SLC5A10: variants seen among roughly 807,000 people sequenced by gnomAD.
The protein encoded by SLC5A10 is sodium/mannose cotransporter SLC5A10.
SLC5A10 carries 55 observed loss-of-function variants against 68.9 expected under a neutral mutation model. That is an observed-to-expected ratio of 0.80 (90% CI 0.64 to 1.00). SLC5A10 has a LOEUF of 1.00. Among genes scored for constraint, SLC5A10 ranks in the 50% least tolerant of loss-of-function variants. The pLI is 0.00. For synonymous variants in SLC5A10, 344 were observed against 344.8 expected (o/e 1.00, Z 0.02); for missense variants, 732 against 819.3 (o/e 0.89, Z 1.30).
At chr17:18,977,665 TG>T in intron 9 of SLC5A10, 1 of 1,610,264 alleles carries the variant, frequency 6.2e-7, no homozygotes. Context: ...TCTGGGCCCA[TG>T]GGGAGCCACC....
At position 19,019,579 on chromosome 17, in the gene SLC5A10, T is replaced by A; in HGVS notation, c.1398T>A (p.Arg466=). The change falls in exon 12 of 15, where the codon CGT becomes CGA. Residue 466 remains arginine (R), a synonymous_variant. Transcript: ENST00000395645. ...TTGTCCTGGGCGTCTTCTGGCGACG[T>A]GCCAACGAGCAGGTGGGCGTCGGCG... ...AVFVLGVFWR[R]ANEQGAFWGL... 1.9e-6 allele frequency: 3 copies of A among 1,611,652 alleles called. No homozygotes were observed. In the South Asian group the frequency reaches 3.3e-5, roughly 18 times the overall value.
At chr17:18,961,072 T>C (rs1245314188) in intron 5 of SLC5A10, among the ~76,000 whole-genome samples, 8 of 152,180 alleles carry the variant, frequency 5.3e-5, no homozygotes, top group Non-Finnish European at 1.0e-4. Flanking sequence ...CCAAGGCTGG[T>C]GGGCTCCATC....
At chr17:18,957,137 G>C (rs2042520452) in intron 1 of SLC5A10, among the ~76,000 whole-genome samples, 1 of 152,148 alleles carries the variant, frequency 6.6e-6, no homozygotes, top group South Asian at 2.1e-4. Context: ...GACGGAGTGA[G>C]ATTCTGTCTC....
chr17:18,967,238 T>G (rs1844864690), intron 5 of SLC5A10, among the ~76,000 whole-genome samples: 1 of 151,986 alleles, frequency 6.6e-6, no homozygotes, highest in Non-Finnish European at 1.5e-5. Context: ...TAGTGTCCAG[T>G]CTATAGGGGA....
At chr17:18,988,936 C>T (rs991985773) in intron 9 of SLC5A10, among the ~76,000 whole-genome samples, 2 of 152,216 alleles carry the variant, frequency 1.3e-5, no homozygotes, top group East Asian at 1.9e-4. Flanking sequence ...GCACCACCAA[C>T]AGGGCAGGGG....
intron 1 of SLC5A10, among the ~76,000 whole-genome samples, chr17:18,954,827 C>T (rs1463358131): frequency 1.3e-5 from 2 of 152,130 alleles, no homozygotes; most frequent in African/African-American, 4.8e-5. Flanking sequence ...AATCCCAGCA[C>T]TTTGGGAGGC....
chr17:19,005,344 C>G (rs1188414193), intron 9 of SLC5A10, among the ~76,000 whole-genome samples: 4 of 152,314 alleles, frequency 2.6e-5, no homozygotes, highest in African/African-American at 9.6e-5. Context: ...CCAAGAGGGC[C>G]GCTGTGGGCT....
rs762559201 is a variant in SLC5A10, at chr17:18,971,316, G to A, written c.846+98G>A. 6 of 1,607,570 alleles carry A rather than the reference G, an allele frequency of 3.7e-6. No homozygotes were observed. In the South Asian group the frequency reaches 5.5e-5, roughly 15 times the overall value. On this transcript the variant is annotated intron_variant, in intron 8 of 14. Coordinates refer to ENST00000395645, the MANE Select transcript of SLC5A10 (RefSeq NM_001042450.4). The surrounding 1 kb of genome is among the most constrained non-coding windows in gnomAD (Gnocchi z 5.5). ...GTCTGCCCTCCGCGTCATGAGTCTG[G>A]GCTGGGGCCTCAGAAGGTGTGGCTC...
At chr17:19,019,271 G>A (rs752792520) in intron 11 of SLC5A10, 152 bp from the exon 12 acceptor site, 3 of 912,630 alleles carry the variant, frequency 3.3e-6, no homozygotes, top group Non-Finnish European at 4.9e-6. Flanking sequence ...GACTGGCCAG[G>A]TCACTGGTGG....
At chr17:18,979,303 C>T (rs905574835) in intron 9 of SLC5A10, 9 of 550,494 alleles carry the variant, frequency 1.6e-5, no homozygotes, top group South Asian at 2.2e-5. Context: ...TGCGAAGGCA[C>T]GGCCTGGCCA....
chr17:18,977,940 G>A (rs2043023482), intron 9 of SLC5A10: 2 of 1,605,612 alleles, frequency 1.2e-6, no homozygotes, highest in African/African-American at 1.3e-5. Flanking sequence ...ACCCCATCCA[G>A]CCCATTGGGG....
intron 1 of SLC5A10, chr17:18,954,035 C>T (rs1482923184): frequency 6.6e-6 from 1 of 152,206 alleles, no homozygotes; most frequent in East Asian, 1.9e-4. Flanking sequence ...TCTCTGTGGG[C>T]TTCAGTTTCC....
At chr17:19,015,584 G>A (rs536442095) in intron 11 of SLC5A10, among the ~76,000 whole-genome samples, 6 of 152,332 alleles carry the variant, frequency 3.9e-5, no homozygotes, top group African/African-American at 9.6e-5. Context: ...GGGCTGCCAC[G>A]TCCCTCAGCC....
In SLC5A10 at chr17:18,971,759, G is replaced by C. The variant is rs367906990; in HGVS notation, c.846+541G>C. The C allele has an allele frequency of 2.8e-5, 44 of 1,548,342 alleles. No homozygotes were observed. The highest frequency in any genetic ancestry group is 1.7e-4 in the Middle Eastern group (1 of 5,718). On this transcript the variant is annotated intron_variant, in intron 8 of 14. Coordinates refer to ENST00000395645, the MANE Select transcript of SLC5A10 (RefSeq NM_001042450.4). The surrounding 1 kb of genome is among the most constrained non-coding windows in gnomAD (Gnocchi z 5.5). ...ATGAAACTGCTGGCCCTGGGAGAGA[G>C]AGAGCAGAGAGTGAGGCTGAGCAAG...
chr17:18,962,756 G>A (rs1028637059), intron 5 of SLC5A10, among the ~76,000 whole-genome samples: 1 of 152,168 alleles, frequency 6.6e-6, no homozygotes, highest in African/African-American at 2.4e-5. Context: ...GAGACAAGAG[G>A]AGGCCAGGCT....
At position 19,020,720 on chromosome 17, in the gene SLC5A10, A is replaced by G. The variant is rs534084558; in HGVS notation, c.*289A>G. On this transcript the variant is annotated 3_prime_UTR_variant, in exon 15 of 15. Coordinates refer to ENST00000395645, the MANE Select transcript of SLC5A10 (RefSeq NM_001042450.4). ...TGGTTTTACTGTTTTCGTTTTGAAT[A>G]CACAGGCTGGGTCAGGAGCAGTGAG... is the stretch of plus-strand genomic sequence containing the variant. The G allele has an allele frequency of 4.6e-6, 2 of 438,342 alleles. No individual in the cohort carries two copies. The highest frequency in any genetic ancestry group is 4.6e-5 in the South Asian group (2 of 43,258). 27.2% of individuals were successfully genotyped at this position (438,342 alleles called of 1,614,324 possible). A position where few individuals can be genotyped will look rare whatever the true frequency, so the allele number is the denominator to read the frequency against.
chr17:19,022,038 T>A lies in SLC5A10; in HGVS notation c.*1607T>A. The A allele has an allele frequency of 6.3e-7, 1 of 1,596,212 alleles. No individual in the cohort carries two copies. The highest frequency in any genetic ancestry group is 8.5e-7 in the Non-Finnish European group (1 of 1,172,326). On this transcript the variant is annotated 3_prime_UTR_variant, in exon 15 of 15. Transcript: ENST00000395645. ...GGACCGGCCCCGCCACCAGTGGGGG[T>A]CTGGGCGCTCCAGGACCTCAATGAT...
chr17:18,953,034 C>G (rs1180247449), intron 1 of SLC5A10, among the ~76,000 whole-genome samples: 1 of 152,052 alleles, frequency 6.6e-6, no homozygotes, highest in Non-Finnish European at 1.5e-5. Context: ...CGCTTAGCGC[C>G]TGGGGATGTT....
intron 9 of SLC5A10, among the ~76,000 whole-genome samples, chr17:18,989,649 G>A (rs2043360871): frequency 6.6e-6 from 1 of 152,238 alleles, no homozygotes; most frequent in Non-Finnish European, 1.5e-5. Flanking sequence ...AGAGCCCGAC[G>A]GGGGGCTGGG....
Sources: gnomAD v4.1 joint callset for allele counts (sites outside exome capture counted in the v4.1 genomes callset) on GRCh38, gnomAD v4.1.1 for gene constraint, Gnocchi (gnomAD v3.1) non-coding constraint, MANE v1.5 for transcripts, NCBI Gene and HGNC (gene_info 2026-07-23, HGNC 2026-07-21) for gene names.